Variants in M1AP observed in about 807,000 individuals in gnomAD.
The protein encoded by M1AP is meiosis 1 arrest protein.
M1AP carries 39 observed loss-of-function variants against 51.2 expected under a neutral mutation model. The observed-to-expected ratio is 0.76, with a 90% CI of 0.59 to 1.00. The LOEUF is 1.00. Among genes scored for constraint, M1AP ranks in the 50% least tolerant of loss-of-function variants. The pLI is 0.00. For missense variants in M1AP, 545 were observed against 641.2 expected (o/e 0.85, Z 1.62); for synonymous variants, 251 against 249.2 (o/e 1.01, Z -0.07).
intron 2 of M1AP, among the ~76,000 whole-genome samples, chr2:74,621,592 T>C (rs1433953521): frequency 2.0e-5 from 3 of 151,326 alleles, no homozygotes; most frequent in African/African-American, 7.3e-5. Context: ...GAGACCATCC[T>C]GGCTAACAAG....
intron 2 of M1AP, among the ~76,000 whole-genome samples, chr2:74,618,055 A>T (rs1403851089): frequency 6.6e-6 from 1 of 152,260 alleles, no homozygotes; most frequent in South Asian, 2.1e-4. Flanking sequence ...TTGAAGCTAC[A>T]GTCTTATTCT....
At chr2:74,575,631 C>T in intron 6 of M1AP, 52 bp from the exon 7 acceptor site, 1 of 1,361,548 alleles carries the variant, frequency 7.3e-7, no homozygotes. Flanking sequence ...CTAGAACCTC[C>T]ACCTAGATCC....
At chr2:74,595,683 C>T (rs1005270498) in intron 4 of M1AP, among the ~76,000 whole-genome samples, 2 of 152,096 alleles carry the variant, frequency 1.3e-5, no homozygotes, top group Admixed American at 6.5e-5. Context: ...AGATGTAATA[C>T]ACATGACAAT....
At position 74,615,014 on chromosome 2, in the gene M1AP, A is replaced by G; in HGVS notation, c.376T>C (p.Tyr126His). The change falls in exon 3 of 11, where the codon TAC (tyrosine) becomes CAC (histidine). Residue 126 changes from tyrosine to histidine, a missense_variant. Transcript: ENST00000421985. ...GCCCTTGTGGTCACATGTCTGCTGT[A>G]TTGTTTGAATTGCTGGAGCCCATCC... is the stretch of plus-strand genomic sequence containing the variant. ...VEDGLQQFKQ[Y>H]SRHVTTRAAL... 1 of 1,614,154 alleles carries G rather than the reference A, an allele frequency of 6.2e-7. No individual in the cohort carries two copies. The highest frequency in any genetic ancestry group is 8.5e-7 in the Non-Finnish European group (1 of 1,180,026).
chr2:74,605,301 T>C (rs1321052004), intron 4 of M1AP, among the ~76,000 whole-genome samples: 1 of 152,180 alleles, frequency 6.6e-6, no homozygotes, highest in East Asian at 1.9e-4. Context: ...GCTACATAAT[T>C]TGTGGGCTCA....
In M1AP at chr2:74,641,619, T is replaced by C. The variant is rs529306326; in HGVS notation, c.-52-1292A>G. 2.5e-4 allele frequency among the ~76,000 whole-genome samples: 38 copies of C among 151,730 alleles called. No individual in the cohort carries two copies. The East Asian group carries it at 7.0e-3, about 28-fold the overall frequency. ...TTTCACTGATGAGCTCCATCAAACA[T>C]GCAAAGACCAAGAATTTCAATCTTT... On this transcript the variant is annotated intron_variant, in intron 1 of 10. Coordinates refer to ENST00000421985, the MANE Select transcript of M1AP (RefSeq NM_001321739.2).
intron 7 of M1AP, among the ~76,000 whole-genome samples, chr2:74,574,091 G>A (rs769935783): frequency 2.6e-5 from 4 of 152,164 alleles, no homozygotes; most frequent in Admixed American, 2.6e-4. Context: ...AAGGGAGTGC[G>A]GGCTTCGAAA....
At chr2:74,633,061 C>A (rs1046729218) in intron 2 of M1AP, among the ~76,000 whole-genome samples, 29 of 152,060 alleles carry the variant, frequency 1.9e-4, no homozygotes, top group African/African-American at 7.0e-4. Context: ...GAAGGTGATC[C>A]ATAGGGACTG....
At chr2:74,644,017 C>A (rs1683458679) in intron 1 of M1AP, among the ~76,000 whole-genome samples, 2 of 151,906 alleles carry the variant, frequency 1.3e-5, no homozygotes, top group Non-Finnish European at 2.9e-5. Flanking sequence ...AAAAATATTT[C>A]AAGAAGAACA....
At chr2:74,583,680 T>C (rs1679545239) in intron 4 of M1AP, among the ~76,000 whole-genome samples, 1 of 152,246 alleles carries the variant, frequency 6.6e-6, no homozygotes. Flanking sequence ...CTTCTGTGTA[T>C]GACTCATAGA....
chr2:74,640,433 T>C (rs1431466850), intron 1 of M1AP, 106 bp from the exon 2 acceptor site: 13 of 966,304 alleles, frequency 1.3e-5, no homozygotes, highest in African/African-American at 6.6e-5. Flanking sequence ...AGGAGTCAGA[T>C]TGGGTACTAA....
At chr2:74,559,105 C>T (rs1677722134) in intron 10 of M1AP, among the ~76,000 whole-genome samples, 2 of 152,168 alleles carry the variant, frequency 1.3e-5, no homozygotes, top group Admixed American at 6.5e-5. Flanking sequence ...TTGTGGTAGC[C>T]TCTGCTCCTA....
At chr2:74,621,787 C>T (rs570542807) in intron 2 of M1AP, among the ~76,000 whole-genome samples, 168 of 150,206 alleles carry the variant, frequency 1.1e-3, no homozygotes, top group Non-Finnish European at 2.0e-3. Flanking sequence ...AGCGAGACTC[C>T]GTCTCAAAAA....
chr2:74,607,299 G>T, intron 3 of M1AP, 76 bp from the exon 4 acceptor site: 3 of 1,437,368 alleles, frequency 2.1e-6, no homozygotes, highest in African/African-American at 1.4e-5. Context: ...TTCCTACCCG[G>T]AGGATAAATA....
intron 4 of M1AP, among the ~76,000 whole-genome samples, chr2:74,587,216 T>G (rs1679764376): frequency 6.6e-6 from 1 of 151,990 alleles, no homozygotes; most frequent in African/African-American, 2.4e-5. Flanking sequence ...TTTTTTCTTT[T>G]GAGACGGAGT....
chr2:74,647,718 C>T (rs1293520148), intron 1 of M1AP, among the ~76,000 whole-genome samples: 1 of 152,108 alleles, frequency 6.6e-6, no homozygotes, highest in Admixed American at 6.5e-5. Context: ...ATAGGGAAAC[C>T]ATGTCTCTAC....
chr2:74,560,627 T>C (rs908766211), intron 8 of M1AP, among the ~76,000 whole-genome samples: 5 of 152,148 alleles, frequency 3.3e-5, no homozygotes, highest in African/African-American at 9.7e-5. Context: ...GGAGGGTGTG[T>C]CAGTGGGCTA....
At chr2:74,632,918 T>A (rs912120965) in intron 2 of M1AP, among the ~76,000 whole-genome samples, 1 of 152,114 alleles carries the variant, frequency 6.6e-6, no homozygotes, top group African/African-American at 2.4e-5. Context: ...CATAGCCACT[T>A]GAGGAGGAAA....
At chr2:74,587,790 G>A (rs1679801507) in intron 4 of M1AP, among the ~76,000 whole-genome samples, 1 of 152,130 alleles carries the variant, frequency 6.6e-6, no homozygotes, top group African/African-American at 2.4e-5. Context: ...AAAGCAGTGA[G>A]GAAGGCCTGG....
Sources: gnomAD v4.1 joint callset for allele counts (sites outside exome capture counted in the v4.1 genomes callset) on GRCh38, gnomAD v4.1.1 for gene constraint, MANE v1.5 for transcripts, NCBI Gene and HGNC (gene_info 2026-07-23, HGNC 2026-07-21) for gene names.